The following MACROD2 variants were observed in gnomAD, a reference collection of about 807,000 sequenced individuals.
The protein encoded by MACROD2 is mono-ADP ribosylhydrolase 2, also known as ADP-ribose glycohydrolase MACROD2.
In MACROD2, 36 loss-of-function variants were observed where a neutral mutation model predicts 70.4. That is an observed-to-expected ratio of 0.51 (90% CI 0.39 to 0.68). The LOEUF (loss-of-function observed/expected upper bound fraction) is 0.68, where lower values mean the gene tolerates loss of function less well. Ranked by LOEUF, MACROD2 falls within the 30% of genes least tolerant of loss-of-function variation. MACROD2 has a pLI of 0.00. For synonymous variants in MACROD2, 172 were observed against 178.8 expected (o/e 0.96, Z 0.30); for missense variants, 496 against 538.4 (o/e 0.92, Z 0.78).
At chr20:14,962,082 A>G (rs1003903764) in intron 5 of MACROD2, among the ~76,000 whole-genome samples, 3 of 152,114 alleles carry the variant, frequency 2.0e-5, no homozygotes, top group Non-Finnish European at 2.9e-5. Context: ...GTTTCAAGCA[A>G]TCCTCCCACG....
At chr20:14,945,022 A>T (rs2074419365) in intron 5 of MACROD2, among the ~76,000 whole-genome samples, 1 of 152,168 alleles carries the variant, frequency 6.6e-6, no homozygotes, top group Non-Finnish European at 1.5e-5. Flanking sequence ...CTAAACCATG[A>T]TTTAAAGAAA....
intron 3 of MACROD2, among the ~76,000 whole-genome samples, chr20:14,408,810 A>C (rs1215943392): frequency 1.3e-5 from 2 of 152,190 alleles, no homozygotes; most frequent in Non-Finnish European, 2.9e-5. Context: ...TCTAGAGAGA[A>C]GCTTGGTTGA....
intron 6 of MACROD2, among the ~76,000 whole-genome samples, chr20:15,272,816 A>G (rs1252377832): frequency 6.6e-6 from 1 of 152,198 alleles, no homozygotes; most frequent in African/African-American, 2.4e-5. Context: ...GCATTTCCAA[A>G]TAAAGTCTAT....
intron 6 of MACROD2, among the ~76,000 whole-genome samples, chr20:15,288,346 A>T (rs2077510511): frequency 6.6e-6 from 1 of 152,120 alleles, no homozygotes; most frequent in Admixed American, 6.6e-5. Context: ...CAGACTCATT[A>T]ATCTTGATGC....
intron 3 of MACROD2, among the ~76,000 whole-genome samples, chr20:14,306,007 CTT>C (rs3044600): frequency 2.6e-4 from 4 of 15,492 alleles, no homozygotes; most frequent in Admixed American, 4.5e-4. Context: ...GTCTCTCTTG[CTT>C]TCTCTCTCTC....
At chr20:15,735,476 G>A (rs960370550) in intron 8 of MACROD2, among the ~76,000 whole-genome samples, 7 of 152,184 alleles carry the variant, frequency 4.6e-5, no homozygotes, top group African/African-American at 1.7e-4. Context: ...TCTTCCAGAA[G>A]TTTAATGCCA....
chr20:14,327,401 GAC>G, intron 3 of MACROD2: 1 of 1,613,604 alleles, frequency 6.2e-7, no homozygotes, highest in Non-Finnish European at 8.5e-7. Context: ...GCATCGCAGC[GAC>G]ACACAGATGG....
chr20:14,346,093 CAAAAAAAAAAAAAAAA>C (rs71190130), intron 3 of MACROD2, among the ~76,000 whole-genome samples: 19 of 41,150 alleles, frequency 4.6e-4, no homozygotes, highest in Admixed American at 2.6e-3. Flanking sequence ...GATTCTGCCT[CAAAAAAAAAAAAAAAA>C]AAAAAAAAAA....
At position 15,353,820 on chromosome 20, in the gene MACROD2, T is replaced by G. The variant is rs28847942; in HGVS notation, c.541-77585T>G. ...ATGAGATATCATCTCACACCAGTTATAATGGCAATCATTAAAAAGTCAGGA... is the reference window on the plus strand; with the variant it reads ...ATGAGATATCATCTCACACCAGTTAGAATGGCAATCATTAAAAAGTCAGGA... On this transcript the variant is annotated intron_variant, in intron 6 of 17. Coordinates refer to ENST00000684519, the MANE Select transcript of MACROD2 (RefSeq NM_001351661.2). 4.4e-3 allele frequency among the ~76,000 whole-genome samples: 314 copies of G among 70,644 alleles called. 74 individuals carry two copies. In the East Asian group the frequency reaches 0.092, roughly 21 times the overall value. The allele number at this position is 70,644 out of a possible 152,430, so 46.3% of individuals were successfully genotyped here.
intron 6 of MACROD2, among the ~76,000 whole-genome samples, chr20:15,303,200 T>A (rs2077663670): frequency 6.6e-6 from 1 of 152,226 alleles, no homozygotes; most frequent in Non-Finnish European, 1.5e-5. Context: ...AACATTTCAA[T>A]TTTACAGTCT....
At chr20:15,030,510 T>C (rs1005004013) in intron 5 of MACROD2, among the ~76,000 whole-genome samples, 2 of 152,222 alleles carry the variant, frequency 1.3e-5, no homozygotes, top group African/African-American at 4.8e-5. Flanking sequence ...CATTGAGCTC[T>C]AGTTGCCCCA....
chr20:15,693,656 A>G (rs980478721), intron 8 of MACROD2, among the ~76,000 whole-genome samples: 2 of 152,114 alleles, frequency 1.3e-5, no homozygotes, highest in Non-Finnish European at 2.9e-5. Context: ...ACTGATCATC[A>G]CTGATTTCTT....
intron 3 of MACROD2, among the ~76,000 whole-genome samples, chr20:14,154,806 C>T (rs1196928064): frequency 6.6e-6 from 1 of 152,038 alleles, no homozygotes; most frequent in Non-Finnish European, 1.5e-5. Flanking sequence ...GTTCATCTTC[C>T]CTTGGGCCAC....
At chr20:14,185,365 G>C (rs1259380578) in intron 3 of MACROD2, among the ~76,000 whole-genome samples, 1 of 152,130 alleles carries the variant, frequency 6.6e-6, no homozygotes, top group Non-Finnish European at 1.5e-5. Context: ...CACCTAGGGA[G>C]AGCTACGTTT....
chr20:15,008,804 A>G lies in MACROD2; in HGVS notation c.419-221136A>G, dbSNP rs187847458. Among the ~76,000 whole-genome samples, 7 of 152,286 alleles carry G rather than the reference A, an allele frequency of 4.6e-5. No individual in the cohort carries two copies. In the East Asian group the frequency reaches 1.4e-3, roughly 29 times the overall value. ...AATAAACTATGTTTATTATCACCTT[A>G]TTAAAGAAGTACCTATTACTTTTAA... On this transcript the variant is annotated intron_variant, in intron 5 of 17. Transcript: ENST00000684519.
chr20:14,969,161 T>TTATATATA (rs150798380), intron 5 of MACROD2, among the ~76,000 whole-genome samples: 2,157 of 147,710 alleles, frequency 0.015, 51 homozygotes, highest in African/African-American at 0.049. Context: ...TATCTCCAGT[T>TTATATATA]TATATATATA....
chr20:15,474,742 G>T (rs34635759), intron 7 of MACROD2, among the ~76,000 whole-genome samples: 10,226 of 152,256 alleles, frequency 0.067, 483 homozygotes, highest in Middle Eastern at 0.18. Flanking sequence ...AAAGTAGTTC[G>T]TTCTTAGGGG....
chr20:15,284,613 G>C (rs953388355), intron 6 of MACROD2, among the ~76,000 whole-genome samples: 3 of 152,024 alleles, frequency 2.0e-5, no homozygotes, highest in African/African-American at 7.2e-5. Context: ...TTTTGTCTTT[G>C]GCTACATTAC....
At chr20:15,904,149 C>T (rs1382403088) in intron 10 of MACROD2, among the ~76,000 whole-genome samples, 2 of 152,132 alleles carry the variant, frequency 1.3e-5, no homozygotes, top group South Asian at 2.1e-4. Flanking sequence ...TAGCGCACCC[C>T]GAGGCCAAAG....
Sources: allele counts gnomAD v4.1 joint callset (sites outside exome capture counted in the v4.1 genomes callset), GRCh38; gene constraint gnomAD v4.1.1; transcripts MANE v1.5; gene names NCBI Gene and HGNC (gene_info 2026-07-23, HGNC 2026-07-21).